TENM3: variants seen among roughly 807,000 people sequenced by gnomAD.
The protein encoded by TENM3 is teneurin-3.
TENM3 carries 63 observed loss-of-function variants against 255.1 expected under a neutral mutation model. The ratio of observed to expected loss-of-function variants is 0.25; its 90% CI spans 0.20 to 0.30. TENM3 has a LOEUF of 0.30. Ranked by LOEUF, TENM3 falls within the 10% of genes least tolerant of loss-of-function variation. The pLI is 1.00. For synonymous variants in TENM3, 1,306 were observed against 1,322.3 expected, an observed-to-expected ratio of 0.99 and a Z score of 0.27; for missense variants, 2,929 against 3,461.1, an observed-to-expected ratio of 0.85 and a Z score of 3.86.
chr4:181,712,305 C>A, the TENM3 span, among the ~76,000 whole-genome samples: 3,402 of 152,120 alleles, frequency 0.022, 59 homozygotes, highest in Middle Eastern at 0.031. Context: ...GGGGGTGGAT[C>A]CTTCATAAAT....
intron 19 of TENM3, among the ~76,000 whole-genome samples, chr4:182,751,555 CTG>C (rs927743255): frequency 1.3e-5 from 2 of 152,080 alleles, no homozygotes; most frequent in African/African-American, 4.8e-5. Context: ...TTTAAGATGA[CTG>C]TTAGTAAATT....
At chr4:182,642,807 A>G (rs535547128) in intron 5 of TENM3, among the ~76,000 whole-genome samples, 4 of 152,340 alleles carry the variant, frequency 2.6e-5, no homozygotes, top group African/African-American at 9.6e-5. Context: ...TATTTTCCTT[A>G]ATGACAACTA....
chr4:182,732,934 G>A (rs982287226), intron 16 of TENM3, among the ~76,000 whole-genome samples: 6 of 152,114 alleles, frequency 3.9e-5, no homozygotes, highest in South Asian at 2.1e-4. Flanking sequence ...TCATTCTCCC[G>A]ATATTTCTTG....
the TENM3 span, among the ~76,000 whole-genome samples, chr4:182,135,089 C>T: frequency 6.6e-6 from 1 of 151,162 alleles, no homozygotes; most frequent in South Asian, 2.1e-4. Context: ...GCCTGTAATC[C>T]CAGCTACTAG....
At chr4:181,631,208 G>A in the TENM3 span, among the ~76,000 whole-genome samples, 1 of 152,064 alleles carries the variant, frequency 6.6e-6, no homozygotes, top group Non-Finnish European at 1.5e-5. Context: ...TTAGCTCCCA[G>A]AGGCTGATCT....
At chr4:181,930,919 T>G in the TENM3 span, among the ~76,000 whole-genome samples, 1 of 152,146 alleles carries the variant, frequency 6.6e-6, no homozygotes, top group Non-Finnish European at 1.5e-5. Flanking sequence ...AAAAACCACA[T>G]GATTATCTCA....
intron 5 of TENM3, among the ~76,000 whole-genome samples, chr4:182,643,265 A>C (rs1411579527): frequency 6.6e-6 from 1 of 152,232 alleles, no homozygotes; most frequent in Non-Finnish European, 1.5e-5. Context: ...CATGAAATTG[A>C]TACATAAAAT....
chr4:181,468,510 C>T, the TENM3 span, among the ~76,000 whole-genome samples: 106,887 of 152,076 alleles, frequency 0.7, 37,899 homozygotes, highest in Non-Finnish European at 0.74. Context: ...CAATTGAAGC[C>T]ACAACTGAGC....
At chr4:182,543,170 CATGGATGCAAGGATGGAGGGATGCATGG>C (rs1336292540) in intron 3 of TENM3, among the ~76,000 whole-genome samples, 17 of 151,034 alleles carry the variant, frequency 1.1e-4, no homozygotes, top group Admixed American at 3.3e-4. Flanking sequence ...TGGATGGATG[CATGGATGCAAGGATGGAGGGATGCATGG>C]ATGGATGCAA....
At chr4:182,159,983 A>C (rs1165744941) in intron 1 of TENM3, among the ~76,000 whole-genome samples, 23 of 152,182 alleles carry the variant, frequency 1.5e-4, no homozygotes, top group Admixed American at 1.4e-3. Context: ...CTACCTATAC[A>C]GGGACAGCAT....
At chr4:181,809,580 T>C in the TENM3 span, among the ~76,000 whole-genome samples, 1 of 152,186 alleles carries the variant, frequency 6.6e-6, no homozygotes, top group Non-Finnish European at 1.5e-5. Flanking sequence ...GAAGAAAAGA[T>C]CTTATTTTAC....
rs371047169 is a variant in TENM3 at position 182,318,775 on chromosome 4, T to C, written c.-75-5171T>C. On this transcript the variant is annotated intron_variant, in intron 1 of 27. Transcript: ENST00000511685. ...AGTTCAATCAGAAGTTTTTTATCTG[T>C]TTTGTTTTTTGAGACAGAGTCGCAC... is the stretch of plus-strand genomic sequence containing the variant. Among the ~76,000 whole-genome samples, 17 of 152,240 alleles carry C rather than the reference T, an allele frequency of 1.1e-4. 1 individual carries two copies. Among genetic ancestry groups the C allele is most frequent in the African/African-American group, 4.1e-4 (17 of 41,560 alleles).
At chr4:181,781,920 T>C in the TENM3 span, among the ~76,000 whole-genome samples, 108 of 152,324 alleles carry the variant, frequency 7.1e-4, no homozygotes, top group African/African-American at 2.5e-3. Context: ...CTGGATTACA[T>C]TTACTGATTT....
At chr4:182,020,561 C>T in the TENM3 span, among the ~76,000 whole-genome samples, 1 of 151,974 alleles carries the variant, frequency 6.6e-6, no homozygotes, top group Non-Finnish European at 1.5e-5. Flanking sequence ...ATGTTCCCAA[C>T]ACAAAGAAAT....
At chr4:182,002,404 C>T in the TENM3 span, among the ~76,000 whole-genome samples, 1 of 152,036 alleles carries the variant, frequency 6.6e-6, no homozygotes, top group Non-Finnish European at 1.5e-5. Context: ...CCCATTTCCT[C>T]ATTTCCCCAG....
chr4:182,460,074 G>A (rs1330698464), intron 3 of TENM3, among the ~76,000 whole-genome samples: 1 of 152,066 alleles, frequency 6.6e-6, no homozygotes, highest in Non-Finnish European at 1.5e-5. Flanking sequence ...GAGGTACCTT[G>A]TTGGAAGGAG....
the TENM3 span, among the ~76,000 whole-genome samples, chr4:181,655,550 T>A: frequency 6.6e-6 from 1 of 152,196 alleles, no homozygotes; most frequent in East Asian, 1.9e-4. Context: ...ATTGATTACA[T>A]AATTAAAATA....
the TENM3 span, among the ~76,000 whole-genome samples, chr4:181,761,347 G>A: frequency 3.9e-5 from 6 of 152,000 alleles, no homozygotes; most frequent in Non-Finnish European, 8.8e-5. Context: ...ATTTAGGAAC[G>A]AGGCCCAACA....
intron 1 of TENM3, among the ~76,000 whole-genome samples, chr4:182,195,158 G>A (rs1219592109): frequency 6.6e-6 from 1 of 151,970 alleles, no homozygotes; most frequent in Non-Finnish European, 1.5e-5. Flanking sequence ...CATATAACAT[G>A]AGCAACCTAT....
Sources: allele counts gnomAD v4.1 joint callset (sites outside exome capture counted in the v4.1 genomes callset), GRCh38; gene constraint gnomAD v4.1.1; transcripts MANE v1.5; gene names NCBI Gene and HGNC (gene_info 2026-07-23, HGNC 2026-07-21).